AGBL3: variants seen among roughly 807,000 people sequenced by gnomAD.
The protein encoded by AGBL3 is AGBL carboxypeptidase 3, also known as cytosolic carboxypeptidase 3.
AGBL3 carries 68 observed loss-of-function variants against 94.5 expected under a neutral mutation model. That is an observed-to-expected ratio of 0.72 (90% CI 0.59 to 0.88). The LOEUF (loss-of-function observed/expected upper bound fraction) is 0.88. AGBL3 is among the 40% of genes least tolerant of loss of function. The pLI is 0.00. For missense variants in AGBL3, 934 were observed against 1,103.8 expected (o/e 0.85, Z 2.18); for synonymous variants, 354 against 370.7 (o/e 0.95, Z 0.52).
chr7:135,040,380 T>C (rs1563208280), intron 8 of AGBL3, among the ~76,000 whole-genome samples: 1 of 152,142 alleles, frequency 6.6e-6, no homozygotes, highest in East Asian at 1.9e-4. Flanking sequence ...CACCAAAATA[T>C]TAGCATATTA....
At chr7:135,010,649 G>A (rs2035542115) in intron 4 of AGBL3, 1 of 152,050 alleles carries the variant, frequency 6.6e-6, no homozygotes, top group South Asian at 2.1e-4. Flanking sequence ...GGAGAGGATG[G>A]GGTATTATGT....
intron 15 of AGBL3, among the ~76,000 whole-genome samples, chr7:135,094,838 T>C (rs934360064): frequency 5.3e-5 from 8 of 152,172 alleles, no homozygotes; most frequent in Non-Finnish European, 1.2e-4. Context: ...TTTCATTGGT[T>C]TACCAAACAA....
At chr7:135,041,728 T>G (rs1816878911) in intron 8 of AGBL3, among the ~76,000 whole-genome samples, 1 of 152,148 alleles carries the variant, frequency 6.6e-6, no homozygotes, top group African/African-American at 2.4e-5. Context: ...ATCCTTTTGC[T>G]CTCTTAAAGA....
At chr7:135,041,987 C>A (rs1816899370) in intron 8 of AGBL3, among the ~76,000 whole-genome samples, 1 of 152,116 alleles carries the variant, frequency 6.6e-6, no homozygotes, top group Admixed American at 6.6e-5. Flanking sequence ...CAATTATATA[C>A]CTTTAGAATT....
intron 5 of AGBL3, among the ~76,000 whole-genome samples, chr7:135,017,388 A>G (rs1245145918): frequency 1.3e-5 from 2 of 152,240 alleles, no homozygotes; most frequent in East Asian, 1.9e-4. Context: ...CATGTTGGCC[A>G]TTAGAATGAA....
chr7:134,989,404 AG>A, intron 3 of AGBL3, 94 bp downstream of exon 3: 1 of 830,394 alleles, frequency 1.2e-6, no homozygotes, highest in Non-Finnish European at 1.8e-6. Context: ...TGAATAATAT[AG>A]GGAATGATTA....
At chr7:135,114,997 T>C (rs896194340) in intron 15 of AGBL3, among the ~76,000 whole-genome samples, 9 of 152,194 alleles carry the variant, frequency 5.9e-5, no homozygotes, top group Admixed American at 1.3e-4. Flanking sequence ...TTCTTGGTGT[T>C]CTTGAACACA....
chr7:135,001,276 G>A (rs753823655), intron 4 of AGBL3, among the ~76,000 whole-genome samples: 1 of 152,014 alleles, frequency 6.6e-6, no homozygotes, highest in Admixed American at 6.6e-5. Context: ...TCAGTGCATT[G>A]GTCTGCCATG....
Position 135,032,877 on chromosome 7 carries a change from T to C in AGBL3, c.452T>C (p.Val151Ala), listed in dbSNP as rs756567736. The part of the protein sequence containing the change: ...YKEPCFVYSR[V>A]GGNRTPLKQP... Reference sequence around the variant, plus strand: ...GAGCCCTGTTTTGTGTATTCCCGAGTTGGGGGTAACCGAACACCTTTGAAG... The same window carrying C: ...GAGCCCTGTTTTGTGTATTCCCGAGCTGGGGGTAACCGAACACCTTTGAAG... The change falls in exon 6 of 17, where the codon GTT becomes GCT. Residue 151 changes from valine to alanine, a missense_variant. Coordinates refer to ENST00000436302, the MANE Select transcript of AGBL3 (RefSeq NM_178563.4). 2.1e-5 allele frequency: 32 copies of C among 1,550,414 alleles called. No individual in the cohort carries two copies. The highest frequency in any genetic ancestry group is 4.9e-5 in the East Asian group (2 of 40,878).
intron 8 of AGBL3, among the ~76,000 whole-genome samples, chr7:135,038,700 G>A (rs984432172): frequency 3.3e-5 from 5 of 152,188 alleles, no homozygotes; most frequent in African/African-American, 4.8e-5. Flanking sequence ...GGTGGCTCAC[G>A]CCTGTAATCC....
In AGBL3 at chr7:135,135,384, C is replaced by A; in HGVS notation, c.*123C>A. 1 of 780,218 alleles carries A rather than the reference C, an allele frequency of 1.3e-6. No homozygotes were observed. Among genetic ancestry groups the A allele is most frequent in the Non-Finnish European group, 1.8e-6 (1 of 555,836 alleles). 48.3% of individuals were successfully genotyped at this position (780,218 alleles called of 1,614,324 possible). The stretch of plus-strand genomic sequence containing the variant: ...ATCTCTCCCCTTACACATGCATATG[C>A]ATAAACTAAAAATTTTAGATATCCC... On this transcript the variant is annotated 3_prime_UTR_variant, in exon 17 of 17. Transcript: ENST00000436302.
rs1413938595 is a variant in AGBL3, at chr7:135,037,559, A to G, written c.1479A>G (p.Leu493=). Residue 493 remains leucine (L), a synonymous_variant, in exon 8 of 17, where the codon CTA becomes CTG. Coordinates refer to ENST00000436302, the MANE Select transcript of AGBL3 (RefSeq NM_178563.4). ...AGCAACGAATCTTCCCACTTATGCT[A>G]AGCAAAAATTGTCCAGATAAAGTAA... ...YLQQRIFPLM[L]SKNCPDKFSF... The G allele has an allele frequency of 6.5e-7, 1 of 1,540,146 alleles. No individual in the cohort carries two copies. The highest frequency in any genetic ancestry group is 2.1e-5 in the Admixed American group (1 of 48,664).
chr7:135,128,349 T>C (rs958605293), intron 16 of AGBL3: 1 of 341,462 alleles, frequency 2.9e-6, no homozygotes, highest in Non-Finnish European at 5.3e-6. Flanking sequence ...AACAAGGCAT[T>C]TGTAAACTGT....
intron 15 of AGBL3, among the ~76,000 whole-genome samples, chr7:135,088,907 A>T (rs1472800513): frequency 6.6e-6 from 1 of 152,168 alleles, no homozygotes; most frequent in Non-Finnish European, 1.5e-5. Flanking sequence ...TCTGGATCTC[A>T]TATGTCTCCC....
At chr7:135,032,030 T>C (rs1392053301) in intron 5 of AGBL3, among the ~76,000 whole-genome samples, 1 of 152,166 alleles carries the variant, frequency 6.6e-6, no homozygotes, top group Non-Finnish European at 1.5e-5. Context: ...ATCTTTCCTC[T>C]TCAGCTGAAG....
At chr7:135,133,106 A>G (rs1829024702) in intron 16 of AGBL3, among the ~76,000 whole-genome samples, 1 of 151,730 alleles carries the variant, frequency 6.6e-6, no homozygotes, top group African/African-American at 2.4e-5. Context: ...CACAACCTTT[A>G]GAATTAATAA....
At chr7:134,989,207 T>C (rs12671813) in intron 2 of AGBL3, 43 bp from the exon 3 acceptor site, 581,165 of 1,418,904 alleles carry the variant, frequency 0.41, 120,507 homozygotes, top group Middle Eastern at 0.5. Context: ...ATTTGAAAAC[T>C]GTTGGTTTTT....
intron 16 of AGBL3, among the ~76,000 whole-genome samples, chr7:135,132,401 T>C (rs1049631466): frequency 6.6e-6 from 1 of 152,162 alleles, no homozygotes; most frequent in Admixed American, 6.5e-5. Flanking sequence ...TTAGCAAGCT[T>C]AAGAAGAAAA....
chr7:135,125,350 C>T (rs769133595), intron 16 of AGBL3, among the ~76,000 whole-genome samples: 39 of 151,644 alleles, frequency 2.6e-4, no homozygotes, highest in Non-Finnish European at 2.2e-4. Context: ...ACCAAGAAGT[C>T]GGATCCCTGA....
Sources: allele counts gnomAD v4.1 joint callset (sites outside exome capture counted in the v4.1 genomes callset), GRCh38; gene constraint gnomAD v4.1.1; transcripts MANE v1.5; gene names NCBI Gene and HGNC (gene_info 2026-07-23, HGNC 2026-07-21).